CISD1: variants seen among roughly 807,000 people sequenced by gnomAD.
CISD1 encodes CDGSH iron-sulfur domain-containing protein 1.
CISD1 carries 8 observed loss-of-function variants against 12.0 expected under a neutral mutation model. That is an observed-to-expected ratio of 0.67 (90% CI 0.39 to 1.20). CISD1 has a LOEUF of 1.20. Among genes scored for constraint, CISD1 ranks in the 50% most tolerant of loss-of-function variants. CISD1 has a pLI of 0.01. For synonymous variants in CISD1, 38 were observed against 42.2 expected (o/e 0.90, Z 0.39); for missense variants, 107 against 132.7 (o/e 0.81, Z 0.95).
Position 58,287,714 on chromosome 10 carries a change from A to T in CISD1, c.*64A>T. The T allele has an allele frequency of 9.6e-7, 1 of 1,039,560 alleles. No individual in the cohort carries two copies. The highest frequency in any genetic ancestry group is 1.4e-6 in the Non-Finnish European group (1 of 690,482). The allele number at this position is 1,039,560 out of a possible 1,614,324, so 64.4% of individuals were successfully genotyped here. On this transcript the variant is annotated 3_prime_UTR_variant, in exon 3 of 3. Transcript: ENST00000333926. ...GTTACCTGATTGTTTAATTAGAATGACTACCACCTCTGTCTGATTCACCTT... is the reference window on the plus strand; with the variant it reads ...GTTACCTGATTGTTTAATTAGAATGTCTACCACCTCTGTCTGATTCACCTT...
At chr10:58,285,076 G>C (rs993201164) in intron 2 of CISD1, among the ~76,000 whole-genome samples, 2 of 152,054 alleles carry the variant, frequency 1.3e-5, no homozygotes, top group East Asian at 1.9e-4. Flanking sequence ...CTGAAAGCTT[G>C]ACTTTATGTT....
chr10:58,271,604 A>G (rs1839250246), intron 1 of CISD1, among the ~76,000 whole-genome samples: 1 of 152,228 alleles, frequency 6.6e-6, no homozygotes, highest in African/African-American at 2.4e-5. Flanking sequence ...GAAAGATATC[A>G]TGTCTCTTCT....
chr10:58,285,352 A>C (rs1370058026), intron 2 of CISD1, among the ~76,000 whole-genome samples: 1 of 152,208 alleles, frequency 6.6e-6, no homozygotes, highest in Non-Finnish European at 1.5e-5. Flanking sequence ...ATCAAAGTTT[A>C]AGATTAAATA....
chr10:58,271,043 A>ATTTTTTTTTTTTTTTTT, intron 1 of CISD1, among the ~76,000 whole-genome samples: 1 of 128,764 alleles, frequency 7.8e-6, no homozygotes. Flanking sequence ...TGCCATGACT[A>ATTTTTTTTTTTTTTTTT]TTTTTTTTTT....
At position 58,272,583 on chromosome 10, in the gene CISD1, G is replaced by A. The variant is rs60796959; in HGVS notation, c.31+3279G>A. 8.5e-3 allele frequency among the ~76,000 whole-genome samples: 1,291 copies of A among 152,224 alleles called. 19 individuals are homozygous for A. Among genetic ancestry groups the A allele is most frequent in the African/African-American group, 0.03 (1,253 of 41,530 alleles). ...TGAAAAGAAAGGTATGGATCATACT[G>A]AAAATAAAAGGGATAGCTCCTATAA... On this transcript the variant is annotated intron_variant, in intron 1 of 2. Transcript: ENST00000333926.
At chr10:58,286,386 G>A (rs1244765965) in intron 2 of CISD1, among the ~76,000 whole-genome samples, 1 of 152,120 alleles carries the variant, frequency 6.6e-6, no homozygotes, top group South Asian at 2.1e-4. Flanking sequence ...AGGTAATAAT[G>A]TGGGAAGCAA....
rs563796965 is a variant in CISD1, at chr10:58,270,492, G to A, written c.31+1188G>A. Among the ~76,000 whole-genome samples the A allele has an allele frequency of 4.6e-5, 7 of 152,272 alleles. No individual in the cohort carries two copies. The South Asian group carries it at 1.4e-3, about 32-fold the overall frequency. ...GGGATTAAGACTTGTGAAATGAGATGTTCATGTGACTTGTGCCGCTGATAT... is the reference window on the plus strand; with the variant it reads ...GGGATTAAGACTTGTGAAATGAGATATTCATGTGACTTGTGCCGCTGATAT... On this transcript the variant is annotated intron_variant, in intron 1 of 2. Coordinates refer to ENST00000333926, the MANE Select transcript of CISD1 (RefSeq NM_018464.5).
At chr10:58,281,459 C>T (rs1564547101) in intron 2 of CISD1, among the ~76,000 whole-genome samples, 1 of 152,148 alleles carries the variant, frequency 6.6e-6, no homozygotes, top group Non-Finnish European at 1.5e-5. Context: ...ATCTTGGGCA[C>T]TTATTCCTGC....
intron 2 of CISD1, among the ~76,000 whole-genome samples, chr10:58,286,200 G>A (rs1444438057): frequency 5.1e-5 from 7 of 137,492 alleles, no homozygotes; most frequent in African/African-American, 1.1e-4. Flanking sequence ...GCAAGACTCC[G>A]TTTCAAAAAA....
chr10:58,273,546 A>T (rs949811475), intron 1 of CISD1: 1 of 152,000 alleles, frequency 6.6e-6, no homozygotes, highest in Non-Finnish European at 1.5e-5. Flanking sequence ...TAAAAGAAAA[A>T]AAAAAAGCTG....
chr10:58,277,465 G>C, intron 2 of CISD1, 143 bp downstream of exon 2: 1 of 615,658 alleles, frequency 1.6e-6, no homozygotes. Flanking sequence ...TGTCATCCAG[G>C]CTGGAGTGCA....
Position 58,269,242 on chromosome 10 carries a change from C to G in CISD1, c.-32C>G, listed in dbSNP as rs541226587. The G allele has an allele frequency of 6.2e-7, 1 of 1,605,780 alleles. No individual in the cohort carries two copies. The highest frequency in any genetic ancestry group is 1.1e-5 in the South Asian group (1 of 91,030). On this transcript the variant is annotated 5_prime_UTR_variant, in exon 1 of 3. It adds an upstream start codon to the 5' untranslated region. Coordinates refer to ENST00000333926, the MANE Select transcript of CISD1 (RefSeq NM_018464.5). ...GCGCGAACCCGTTTGAGCTCGGTAT[C>G]CTAGTGCACACGCCTTGCAAGCGAC... is the stretch of plus-strand genomic sequence containing the variant.
chr10:58,276,335 A>C (rs1839314581), intron 1 of CISD1: 1 of 151,974 alleles, frequency 6.6e-6, no homozygotes. Flanking sequence ...ATTTAAAATA[A>C]ATTTTATAGA....
chr10:58,272,934 AAG>A (rs1491504081), intron 1 of CISD1, among the ~76,000 whole-genome samples: 1 of 152,124 alleles, frequency 6.6e-6, no homozygotes. Flanking sequence ...AAAGAAAAAT[AAG>A]GGGGGAGTTT....
chr10:58,286,997 A>G (rs1311123949), intron 2 of CISD1, among the ~76,000 whole-genome samples: 3 of 152,190 alleles, frequency 2.0e-5, no homozygotes, highest in Non-Finnish European at 4.4e-5. Context: ...CAGTGGCACA[A>G]TCTCGGCTCA....
intron 1 of CISD1, among the ~76,000 whole-genome samples, chr10:58,273,917 TG>T (rs1484652290): frequency 1.3e-5 from 2 of 152,158 alleles, no homozygotes; most frequent in African/African-American, 2.4e-5. Context: ...GCGGATCACC[TG>T]AGGTCAGGAG....
intron 2 of CISD1, among the ~76,000 whole-genome samples, 171 bp downstream of exon 2, chr10:58,277,493 C>T (rs1460129322): frequency 6.6e-6 from 1 of 151,980 alleles, no homozygotes; most frequent in Non-Finnish European, 1.5e-5. Flanking sequence ...GATCTCAGCT[C>T]ACTGCAACCT....
intron 1 of CISD1, among the ~76,000 whole-genome samples, chr10:58,274,031 G>A (rs1839281459): frequency 6.6e-6 from 1 of 152,176 alleles, no homozygotes; most frequent in Non-Finnish European, 1.5e-5. Context: ...CTACTTGGGA[G>A]GCTGAGGCAG....
At chr10:58,269,371 T>C in intron 1 of CISD1, 67 bp downstream of exon 1, 2 of 1,468,294 alleles carry the variant, frequency 1.4e-6, no homozygotes, top group Non-Finnish European at 1.9e-6. Flanking sequence ...GCAGTTCGAC[T>C]GGGTTGTTTT....
Sources: allele counts gnomAD v4.1 joint callset (sites outside exome capture counted in the v4.1 genomes callset), GRCh38; gene constraint gnomAD v4.1.1; transcripts MANE v1.5; gene names NCBI Gene and HGNC (gene_info 2026-07-23, HGNC 2026-07-21).